The following CUX2 variants were observed in gnomAD, a reference collection of about 807,000 sequenced individuals.
CUX2 encodes homeobox protein cut-like 2.
CUX2 carries 40 observed loss-of-function variants against 144.8 expected under a neutral mutation model. The ratio of observed to expected loss-of-function variants is 0.28; its 90% CI spans 0.21 to 0.36. The LOEUF is 0.36. CUX2 is among the 10% of genes least tolerant of loss of function. CUX2 has a pLI of 1.00. For synonymous variants in CUX2, 827 were observed against 875.6 expected (o/e 0.94, Z 0.98); for missense variants, 1,615 against 1,994.0 (o/e 0.81, Z 3.62).
rs867450452 is a variant in CUX2 at position 111,217,997 on chromosome 12, C to G, written c.222+60C>G. ...GCCCCCAATGGCTCCCCCTCCTATC[C>G]CACCTAGAGTTGCCCAGGGGGGCCA... On this transcript the variant is annotated intron_variant, in intron 3 of 21. Coordinates refer to ENST00000261726, the MANE Select transcript of CUX2 (RefSeq NM_015267.4). 3.8e-5 allele frequency: 60 copies of G among 1,591,588 alleles called. No individual in the cohort carries two copies. The Middle Eastern group carries it at 2.8e-3, about 75-fold the overall frequency.
intron 3 of CUX2, among the ~76,000 whole-genome samples, chr12:111,234,440 T>C (rs1057288218): frequency 6.6e-6 from 1 of 152,144 alleles, no homozygotes; most frequent in East Asian, 1.9e-4. Context: ...TGAGCCACCA[T>C]TGGGATCCCA....
chr12:111,244,908 A>G (rs544486978), intron 3 of CUX2, among the ~76,000 whole-genome samples: 1 of 152,282 alleles, frequency 6.6e-6, no homozygotes. Flanking sequence ...ACACATGATT[A>G]TTTCCATGCT....
chr12:111,213,249 C>T (rs141251005), intron 1 of CUX2, among the ~76,000 whole-genome samples: 21 of 152,258 alleles, frequency 1.4e-4, no homozygotes, highest in African/African-American at 4.6e-4. Flanking sequence ...AGGAAGCAGC[C>T]GACCACATAA....
chr12:111,294,283 T>C (rs1051196762), intron 6 of CUX2, among the ~76,000 whole-genome samples: 18 of 152,176 alleles, frequency 1.2e-4, no homozygotes, highest in Non-Finnish European at 8.8e-5. Context: ...AATTTTTGTA[T>C]TTTTAGCAGA....
At chr12:111,228,151 T>C (rs1882262512) in intron 3 of CUX2, among the ~76,000 whole-genome samples, 1 of 152,120 alleles carries the variant, frequency 6.6e-6, no homozygotes, top group Admixed American at 6.5e-5. Flanking sequence ...GTCTCTAAGC[T>C]AAAAGTACAG....
Position 111,037,353 on chromosome 12 carries a change from C to A in CUX2, c.63+3113C>A, listed in dbSNP as rs1869511482. Among the ~76,000 whole-genome samples, 1 of 152,242 alleles carries A rather than the reference C, an allele frequency of 6.6e-6. No homozygotes were observed. Among genetic ancestry groups the A allele is most frequent in the Non-Finnish European group, 1.5e-5 (1 of 68,040 alleles). ...ATACCGATCCTGGCAAGAAAGGTGA[C>A]CTTGTACCAGCCCGGTGTCCAGCCC... On this transcript the variant is annotated intron_variant, in intron 1 of 21. Transcript: ENST00000261726. The surrounding 1 kb of genome is among the most constrained non-coding windows in gnomAD (Gnocchi z 5.4).
intron 4 of CUX2, among the ~76,000 whole-genome samples, chr12:111,275,505 C>A (rs1443275168): frequency 6.6e-6 from 1 of 152,198 alleles, no homozygotes. Context: ...TGGAAGGCTT[C>A]CGGGAGAAGT....
chr12:111,294,355 G>A (rs1024098629), intron 6 of CUX2, among the ~76,000 whole-genome samples: 21 of 152,124 alleles, frequency 1.4e-4, no homozygotes, highest in African/African-American at 4.3e-4. Flanking sequence ...TGATCCTCCC[G>A]CCTTGGCCTC....
intron 1 of CUX2, among the ~76,000 whole-genome samples, chr12:111,048,086 A>T (rs1592847933): frequency 6.6e-6 from 1 of 152,040 alleles, no homozygotes; most frequent in East Asian, 1.9e-4. Context: ...TCACAGGGGG[A>T]GGTGGTTACT....
At chr12:111,291,593 C>A (rs757525951) in intron 5 of CUX2, 41 bp downstream of exon 5, 3 of 1,519,880 alleles carry the variant, frequency 2.0e-6, no homozygotes, top group Admixed American at 2.1e-5. Flanking sequence ...AATAAACAAC[C>A]AGGCTGCAGA....
intron 3 of CUX2, among the ~76,000 whole-genome samples, chr12:111,240,780 T>C (rs1882981541): frequency 6.6e-6 from 1 of 152,216 alleles, no homozygotes; most frequent in South Asian, 2.1e-4. Context: ...CTTAGCTACC[T>C]GTGAGGTTCC....
chr12:111,232,546 C>T (rs1223941502), intron 3 of CUX2, among the ~76,000 whole-genome samples: 46 of 151,986 alleles, frequency 3.0e-4, no homozygotes, highest in Admixed American at 3.0e-3. Flanking sequence ...GGAGGATGTG[C>T]GTAGATTATA....
intron 4 of CUX2, among the ~76,000 whole-genome samples, chr12:111,288,040 C>T (rs1332725990): frequency 6.6e-6 from 1 of 152,190 alleles, no homozygotes; most frequent in African/African-American, 2.4e-5. Flanking sequence ...TGCATTAGAA[C>T]TGCAGTGGGT....
In CUX2 at chr12:111,291,456, G is replaced by A. The variant is rs374932745; in HGVS notation, c.340G>A (p.Asp114Asn). 4.1e-5 allele frequency: 66 copies of A among 1,612,556 alleles called. No homozygotes were observed. Among genetic ancestry groups the A allele is most frequent in the Non-Finnish European group, 5.0e-5 (59 of 1,179,368 alleles). Residue 114 changes from aspartate to asparagine, a missense_variant, in exon 5 of 22, where the codon GAC becomes AAC. By Grantham distance (23) the Asp-to-Asn change is conservative (BLOSUM62 1). This residue lies in a region of CUX2 where 295 missense variants were observed against 400.2 expected (regional missense o/e 0.74). Transcript: ENST00000261726. The stretch of plus-strand genomic sequence containing the variant: ...GTTTGAGGCGGCACGCAGCCTAGAC[G>A]ACAGACTGCAGCCCCCCAGCTTTGA... ...PVFEAARSLD[D>N]RLQPPSFDPS...
At chr12:111,156,985 CAAAAAAAAAAAA>C (rs1200398908) in intron 1 of CUX2, among the ~76,000 whole-genome samples, 5 of 18,998 alleles carry the variant, frequency 2.6e-4, no homozygotes, top group African/African-American at 8.5e-4. Flanking sequence ...AAACTTCTCT[CAAAAAAAAAAAA>C]AAAAAAAAAA....
intron 4 of CUX2, among the ~76,000 whole-genome samples, chr12:111,284,745 G>A (rs1043542745): frequency 1.1e-4 from 17 of 152,248 alleles, no homozygotes; most frequent in Admixed American, 3.3e-4. Context: ...TCTTGCTCTC[G>A]CTCTAATCAA....
chr12:111,041,999 C>T (rs1869768941), intron 1 of CUX2, among the ~76,000 whole-genome samples: 1 of 152,248 alleles, frequency 6.6e-6, no homozygotes, highest in Non-Finnish European at 1.5e-5. Context: ...CTCCGGAGCA[C>T]ACCCCAGCCT....
chr12:111,044,901 CCAT>C (rs1485810229), intron 1 of CUX2, among the ~76,000 whole-genome samples: 1 of 152,208 alleles, frequency 6.6e-6, no homozygotes, highest in Non-Finnish European at 1.5e-5. Flanking sequence ...ACCTTTAGCT[CCAT>C]CAGTCTCGCC....
chr12:111,228,801 C>T (rs534295382), intron 3 of CUX2, among the ~76,000 whole-genome samples: 4 of 152,122 alleles, frequency 2.6e-5, no homozygotes, highest in Non-Finnish European at 4.4e-5. Flanking sequence ...TTCAAACTTA[C>T]GCTGTTCAAG....
Sources: gnomAD v4.1 joint callset for allele counts (sites outside exome capture counted in the v4.1 genomes callset) on GRCh38, gnomAD v4.1.1 for gene constraint, gnomAD v4.1.1 regional missense constraint, Gnocchi (gnomAD v3.1) non-coding constraint, MANE v1.5 for transcripts, NCBI Gene and HGNC (gene_info 2026-07-23, HGNC 2026-07-21) for gene names.